Variants in SLC30A8 observed in about 807,000 individuals in gnomAD.
SLC30A8 encodes the protein proton-coupled zinc antiporter SLC30A8.
In SLC30A8, 27 loss-of-function variants were observed where a neutral mutation model predicts 36.9. That is an observed-to-expected ratio of 0.73 (90% CI 0.54 to 1.01). The LOEUF is 1.01. Among genes scored for constraint, SLC30A8 ranks in the 50% least tolerant of loss-of-function variants. SLC30A8 has a pLI of 0.00. For synonymous variants in SLC30A8, 164 were observed against 172.4 expected (o/e 0.95, Z 0.38); for missense variants, 439 against 452.0 (o/e 0.97, Z 0.26).
chr8:116,990,876 C>G (rs893399805), intron 1 of SLC30A8, among the ~76,000 whole-genome samples: 1 of 151,984 alleles, frequency 6.6e-6, no homozygotes, highest in East Asian at 1.9e-4. Context: ...AAAAAACAAC[C>G]AAATAAGTGA....
chr8:117,041,534 C>CA lies in SLC30A8; in HGVS notation c.-226+2282dup, dbSNP rs201998530. Among the ~76,000 whole-genome samples, 970 of 151,944 alleles carry CA rather than the reference C, an allele frequency of 6.4e-3. 17 individuals are homozygous for CA. The highest frequency in any genetic ancestry group is 0.022 in the African/African-American group (921 of 41,462). Reference sequence around the variant, plus strand: ...GAAACCCCCGTCTCTACTAAAAATACAAAAAATTAGCTGGGCGTGGTGGTG... The same window carrying CA: ...GAAACCCCCGTCTCTACTAAAAATACAAAAAAATTAGCTGGGCGTGGTGGTG... On this transcript the variant is annotated intron_variant, in intron 2 of 10. Coordinates refer to the SLC30A8 transcript ENST00000427715.
chr8:116,959,452 A>G (rs747526412), intron 1 of SLC30A8, among the ~76,000 whole-genome samples: 7 of 152,260 alleles, frequency 4.6e-5, no homozygotes, highest in South Asian at 2.1e-4. Flanking sequence ...TTTTCTTCTC[A>G]TTATGGATCA....
intron 1 of SLC30A8, among the ~76,000 whole-genome samples, chr8:117,019,816 A>G (rs554306678): frequency 6.6e-6 from 1 of 152,342 alleles, no homozygotes; most frequent in East Asian, 1.9e-4. Flanking sequence ...ATACAGGAAA[A>G]TTAAGATTTG....
At chr8:117,072,076 G>A (rs1172840512) in intron 2 of SLC30A8, among the ~76,000 whole-genome samples, 1 of 152,184 alleles carries the variant, frequency 6.6e-6, no homozygotes, top group Non-Finnish European at 1.5e-5. Flanking sequence ...TTGGAGGGCT[G>A]GGCTGGAGAA....
chr8:117,093,776 T>C (rs1009023871), intron 2 of SLC30A8, among the ~76,000 whole-genome samples: 3 of 152,174 alleles, frequency 2.0e-5, no homozygotes, highest in Non-Finnish European at 2.9e-5. Flanking sequence ...CCCTCTGGAC[T>C]CATTCTGCCA....
chr8:117,111,864 TC>T (rs1417061656), intron 2 of SLC30A8, among the ~76,000 whole-genome samples: 1 of 151,958 alleles, frequency 6.6e-6, no homozygotes, highest in Middle Eastern at 3.4e-3. Context: ...AGGCATTTTT[TC>T]TTCCTCTTTA....
chr8:117,143,873 T>C (rs1586581725), intron 1 of SLC30A8, among the ~76,000 whole-genome samples: 1 of 152,130 alleles, frequency 6.6e-6, no homozygotes, highest in African/African-American at 2.4e-5. Flanking sequence ...ATTTTCACAC[T>C]TTCCTCCTTG....
In SLC30A8 at chr8:116,954,491, A is replaced by G. The variant is rs191895544; in HGVS notation, c.-266+3372A>G. 3.3e-3 allele frequency among the ~76,000 whole-genome samples: 497 copies of G among 152,298 alleles called. 3 individuals are homozygous for G. The highest frequency in any genetic ancestry group is 0.01 in the Middle Eastern group (3 of 294). On this transcript the variant is annotated intron_variant, in intron 1 of 10. Transcript: ENST00000427715. ...TTAAAGAGAGAGAGAGTATGGTGTC[A>G]AAGAAAACTAGTAATGAGGGCTTGT...
chr8:116,979,238 C>CAAAAA (rs67998633), intron 1 of SLC30A8, among the ~76,000 whole-genome samples: 6 of 64,308 alleles, frequency 9.3e-5, no homozygotes, highest in Admixed American at 2.5e-4. Context: ...GACCCTGTCT[C>CAAAAA]AAAAAAAAAA....
chr8:116,990,245 C>T (rs1388104980), intron 1 of SLC30A8, among the ~76,000 whole-genome samples: 1 of 151,920 alleles, frequency 6.6e-6, no homozygotes, highest in Non-Finnish European at 1.5e-5. Context: ...CATTGATTGC[C>T]CCTCCGGGAG....
chr8:117,114,034 A>T (rs1049852111), intron 2 of SLC30A8, among the ~76,000 whole-genome samples: 1 of 152,124 alleles, frequency 6.6e-6, no homozygotes, highest in Non-Finnish European at 1.5e-5. Flanking sequence ...GACCTCCCAG[A>T]TGTTGGAGAA....
intron 1 of SLC30A8, among the ~76,000 whole-genome samples, chr8:117,142,766 GC>G (rs1287513067): frequency 2.0e-5 from 3 of 147,406 alleles, no homozygotes; most frequent in Non-Finnish European, 4.6e-5. Flanking sequence ...ATCTTCCCTT[GC>G]CTTCTCACCA....
intron 2 of SLC30A8, chr8:117,055,729 G>C (rs949669193): frequency 6.6e-6 from 1 of 152,172 alleles, no homozygotes; most frequent in Non-Finnish European, 1.5e-5. Flanking sequence ...AATATAATGA[G>C]TGTTTGTATA....
At chr8:117,103,557 C>T (rs1480440772) in intron 2 of SLC30A8, among the ~76,000 whole-genome samples, 1 of 152,182 alleles carries the variant, frequency 6.6e-6, no homozygotes, top group Non-Finnish European at 1.5e-5. Context: ...TCACTGCAAC[C>T]TTCACCTCCT....
intron 1 of SLC30A8, among the ~76,000 whole-genome samples, chr8:116,974,083 AC>A (rs1365312571): frequency 6.6e-6 from 1 of 152,196 alleles, no homozygotes; most frequent in African/African-American, 2.4e-5. Context: ...AACCATAAAA[AC>A]CCTAGAAGAA....
chr8:117,156,608 T>G (rs1300009117), intron 3 of SLC30A8, among the ~76,000 whole-genome samples: 2 of 152,202 alleles, frequency 1.3e-5, no homozygotes, highest in Non-Finnish European at 2.9e-5. Flanking sequence ...CAGATAATTT[T>G]AAGTGTCATA....
At chr8:116,965,363 A>G (rs13269147) in intron 1 of SLC30A8, among the ~76,000 whole-genome samples, 82,403 of 152,138 alleles carry the variant, frequency 0.54, 23,050 homozygotes, top group Non-Finnish European at 0.61. Context: ...CTAATATACC[A>G]GTTACCTTCT....
chr8:117,107,153 T>C lies in SLC30A8; in HGVS notation c.-225-28127T>C, dbSNP rs560982264. ...ATTTGCACTGTGTAAAATAAATGCA[T>C]TTATATTGACAGTGTGCCTTTGTCA... On this transcript the variant is annotated intron_variant, in intron 2 of 10. Coordinates refer to the SLC30A8 transcript ENST00000427715. Among the ~76,000 whole-genome samples, 211 of 152,276 alleles carry C rather than the reference T, an allele frequency of 1.4e-3. 2 individuals carry two copies. The highest frequency in any genetic ancestry group is 4.9e-3 in the African/African-American group (204 of 41,570).
chr8:117,045,433 C>G (rs1817520852), intron 2 of SLC30A8, among the ~76,000 whole-genome samples: 1 of 152,086 alleles, frequency 6.6e-6, no homozygotes, highest in African/African-American at 2.4e-5. Flanking sequence ...AAAGAGACCC[C>G]TAAGTGTCAA....
Sources: allele counts gnomAD v4.1 joint callset (sites outside exome capture counted in the v4.1 genomes callset), GRCh38; gene constraint gnomAD v4.1.1; transcripts MANE v1.5; gene names NCBI Gene and HGNC (gene_info 2026-07-23, HGNC 2026-07-21).